CD177: variants seen among roughly 807,000 people sequenced by gnomAD.
CD177 encodes the protein CD177 molecule.
CD177 carries 41 observed loss-of-function variants against 38.1 expected under a neutral mutation model. The observed-to-expected ratio is 1.07, with a 90% CI of 0.84 to 1.39. The LOEUF (loss-of-function observed/expected upper bound fraction) is 1.39, where lower values mean the gene tolerates loss of function less well. Among genes scored for constraint, CD177 ranks in the 40% most tolerant of loss-of-function variants. CD177 has a pLI of 0.00. For synonymous variants in CD177, 236 were observed against 216.7 expected (o/e 1.09, Z -0.78); for missense variants, 619 against 523.8 (o/e 1.18, Z -1.77).
chr19:43,360,057 G>A (rs147979602), intron 5 of CD177, among the ~76,000 whole-genome samples: 130 of 151,964 alleles, frequency 8.6e-4, no homozygotes, highest in South Asian at 5.6e-3. Flanking sequence ...GTGAGAGGAC[G>A]TCCCTGCGGG....
At position 43,354,262 on chromosome 19, in the gene CD177, G is replaced by T. The variant is rs769813094; in HGVS notation, c.249G>T (p.Glu83Asp). Reference protein sequence around the residue: ...SKGCTEAKDQEPRVTEHRMGP... With the variant: ...SKGCTEAKDQDPRVTEHRMGP... ...GCTGCACGGAGGCCAAGGACCAGGA[G>T]CCCCGCGTCACTGAGCACCGGATGG... The change falls in exon 3 of 9, where the codon GAG becomes GAT. Residue 83 changes from glutamate (E) to aspartate (D), a missense_variant. Glu to Asp is a conservative substitution (Grantham distance 45). Transcript: ENST00000618265. 2 of 1,613,904 alleles carry T rather than the reference G, an allele frequency of 1.2e-6. No homozygotes were observed. Among genetic ancestry groups the T allele is most frequent in the Admixed American group, 3.3e-5 (2 of 60,024 alleles).
At position 43,362,221 on chromosome 19, in the gene CD177, T is replaced by G. The variant is rs776964743; in HGVS notation, c.1215T>G (p.His405Gln). 2 of 1,610,210 alleles carry G rather than the reference T, an allele frequency of 1.2e-6. No homozygotes were observed. The highest frequency in any genetic ancestry group is 1.7e-6 in the Non-Finnish European group (2 of 1,176,636). Residue 405 changes from histidine to glutamine, a missense_variant, in exon 9 of 9, where the codon CAT (histidine) becomes CAG (glutamine). Physicochemically the swap from His to Gln is conservative, Grantham distance 24. Coordinates refer to ENST00000618265, the MANE Select transcript of CD177 (RefSeq NM_020406.4). ...KRDVQPPASQ[H>Q]EGGGAEGLES... ...ATGTGCAGCCTCCTGCCTCTCAGCATGAGGGAGGTGGGGCTGAGGGCCTGG... is the reference window on the plus strand; with the variant it reads ...ATGTGCAGCCTCCTGCCTCTCAGCAGGAGGGAGGTGGGGCTGAGGGCCTGG...
rs529123147 is a variant in CD177, at chr19:43,362,978, C to G, written c.*658C>G. ...GGAACATTGTAGCGTGCACTTACAC[C>G]AACCCAGATGGTACAGCCCAATACA... On this transcript the variant is annotated 3_prime_UTR_variant, in exon 9 of 9. Transcript: ENST00000618265. 1 of 152,258 alleles carries G rather than the reference C, an allele frequency of 6.6e-6. No individual in the cohort carries two copies. The highest frequency in any genetic ancestry group is 2.1e-4 in the South Asian group (1 of 4,828). 9.4% of individuals were successfully genotyped at this position (152,258 alleles called of 1,614,324 possible).
At chr19:43,354,626 CCTCTT>C (rs1969897477) in intron 3 of CD177, 1 of 598,234 alleles carries the variant, frequency 1.7e-6, no homozygotes, top group African/African-American at 1.9e-5. Flanking sequence ...CCGCACCCCT[CCTCTT>C]CTAAGAGCAA....
intron 6 of CD177, chr19:43,360,612 G>A (rs1969949106): frequency 1.0e-5 from 6 of 583,126 alleles, no homozygotes; most frequent in Non-Finnish European, 1.2e-5. Flanking sequence ...CCTTTCTGGG[G>A]AGGGGTGACC....
intron 6 of CD177, chr19:43,360,629 GC>G (rs1969949507): frequency 1.8e-6 from 1 of 543,842 alleles, no homozygotes; most frequent in Admixed American, 3.2e-5. Context: ...GACCACGTAT[GC>G]GGTAATCCCT....
chr19:43,363,178 G>C (rs906450485), downstream of CD177: 2 of 152,180 alleles, frequency 1.3e-5, no homozygotes, highest in African/African-American at 4.8e-5. Context: ...GCAGACCACC[G>C]TTCTATACGC....
Position 43,360,286 on chromosome 19 carries a change from G to T in CD177, c.641G>T (p.Gly214Val). ...DMKDFLTCHR[G>V]TTIMTHGNLA... ...CCAGATTTTCTGACCTGTCATCGGGGGACCACCATTATGACACACGGAAAC... is the reference window on the plus strand; with the variant it reads ...CCAGATTTTCTGACCTGTCATCGGGTGACCACCATTATGACACACGGAAAC... Residue 214 changes from glycine (G) to valine (V), a missense_variant, in exon 6 of 9, where the codon GGG (glycine) becomes GTG (valine). By Grantham distance (109) the Gly-to-Val change is moderately radical. Coordinates refer to ENST00000618265, the MANE Select transcript of CD177 (RefSeq NM_020406.4). The T allele has an allele frequency of 6.2e-7, 1 of 1,613,214 alleles. No homozygotes were observed. Among genetic ancestry groups the T allele is most frequent in the Non-Finnish European group, 8.5e-7 (1 of 1,179,648 alleles).
chr19:43,354,389 G>A lies in CD177; in HGVS notation c.376G>A (p.Ala126Thr), dbSNP rs1568443239. The change falls in exon 3 of 9, where the codon GCA becomes ACA. Residue 126 changes from alanine to threonine, a missense_variant. Ala to Thr is a moderately conservative substitution (Grantham distance 58). Transcript: ENST00000618265. Reference protein sequence around the residue: ...SLPLWAPQPPADPGSLRCPVC... With the variant: ...SLPLWAPQPPTDPGSLRCPVC... ...CCCGCTTTGGGCCCCACAGCCCCCA[G>A]CAGGTGCCTGCGGGAGGGTCGGGAG... 1 of 1,613,792 alleles carries A rather than the reference G, an allele frequency of 6.2e-7. No individual in the cohort carries two copies. The highest frequency in any genetic ancestry group is 1.1e-5 in the South Asian group (1 of 91,086).
rs1009374013 is a variant in CD177, at chr19:43,354,496, C to A, written c.379+104C>A. 1.2e-5 allele frequency: 15 copies of A among 1,229,586 alleles called. No homozygotes were observed. The East Asian group carries it at 3.4e-4, about 28-fold the overall frequency. 76.2% of individuals were successfully genotyped at this position (1,229,586 alleles called of 1,614,324 possible). A position where few individuals can be genotyped will look rare whatever the true frequency, so the allele number is the denominator to read the frequency against. ...TCCCTCCCACCCTCGCTCGCTATCC[C>A]GACCCTCGCTGGCTCCATCCCTCCC... On this transcript the variant is annotated intron_variant, in intron 3 of 8. Transcript: ENST00000618265.
chr19:43,362,471 T>G lies in CD177; in HGVS notation c.*151T>G. On this transcript the variant is annotated 3_prime_UTR_variant, in exon 9 of 9. Coordinates refer to ENST00000618265, the MANE Select transcript of CD177 (RefSeq NM_020406.4). ...ACACAATCATTCATATCTACTCACC[T>G]AACAGCAACACTGGGGAGAGCCTGG... The G allele has an allele frequency of 1.8e-6, 1 of 546,424 alleles. No individual in the cohort carries two copies. Among genetic ancestry groups the G allele is most frequent in the Non-Finnish European group, 3.3e-6 (1 of 307,086 alleles). 33.8% of individuals were successfully genotyped at this position (546,424 alleles called of 1,614,324 possible). A position where few individuals can be genotyped will look rare whatever the true frequency, so the allele number is the denominator to read the frequency against.
rs1403901096 is a variant in CD177, at chr19:43,361,229, C to T, written c.847C>T (p.Pro283Ser). ...GAAGACCACCATCCACTCAGCCCCT[C>T]CTGGGGTGCTTGTGGCCTCCTATAC... ...SQKTTIHSAP[P>S]GVLVASYTHF... The change falls in exon 7 of 9, where the codon CCT becomes TCT. Residue 283 changes from proline to serine, a missense_variant. Coordinates refer to ENST00000618265, the MANE Select transcript of CD177 (RefSeq NM_020406.4). 2.0e-5 allele frequency: 31 copies of T among 1,548,834 alleles called. No individual in the cohort carries two copies. In the African/African-American group the frequency reaches 3.0e-4, roughly 15 times the overall value.
chr19:43,361,650 G>C (rs113094109), intron 8 of CD177, 71 bp downstream of exon 8: 2 of 1,483,442 alleles, frequency 1.3e-6, no homozygotes, highest in Non-Finnish European at 1.8e-6. Flanking sequence ...GAGGGAGGAG[G>C]GGCTGGGGGC....
chr19:43,363,306 A>C (rs1465884137), downstream of CD177: 1 of 152,194 alleles, frequency 6.6e-6, no homozygotes, highest in Non-Finnish European at 1.5e-5. Context: ...AGCTGTTATC[A>C]TTGGGTCTCT....
At position 43,362,547 on chromosome 19, in the gene CD177, T is replaced by C; in HGVS notation, c.*227T>C. 2.2e-6 allele frequency: 1 copy of C among 452,518 alleles called. No individual in the cohort carries two copies. The highest frequency in any genetic ancestry group is 3.8e-5 in the Admixed American group (1 of 26,338). The allele number at this position is 452,518 out of a possible 1,614,324, so 28.0% of individuals were successfully genotyped here. ...AGGGGACGCTGGAGGAGTGGCTGCA[T>C]GTATCTGATAATACAGACCCTGTCC... is the stretch of plus-strand genomic sequence containing the variant. On this transcript the variant is annotated 3_prime_UTR_variant, in exon 9 of 9. Coordinates refer to ENST00000618265, the MANE Select transcript of CD177 (RefSeq NM_020406.4).
Position 43,353,752 on chromosome 19 carries a change from T to A in CD177, c.38T>A (p.Ile13Asn). ...AVLLLALLGF[I>N]LPLPGVQALL... is the part of the protein sequence containing the mutation. ...TTACTGCTGGCCCTCCTGGGGTTCA[T>A]CCTCCCACTGCCAGGTGAGTGATGA... The change falls in exon 1 of 9, where the codon ATC becomes AAC. Residue 13 changes from isoleucine (I) to asparagine (N), a missense_variant. Coordinates refer to ENST00000618265, the MANE Select transcript of CD177 (RefSeq NM_020406.4). 6.2e-7 allele frequency: 1 copy of A among 1,613,896 alleles called. No homozygotes were observed. The highest frequency in any genetic ancestry group is 8.5e-7 in the Non-Finnish European group (1 of 1,179,848).
At position 43,362,589 on chromosome 19, in the gene CD177, G is replaced by C; in HGVS notation, c.*269G>C. 3.2e-6 allele frequency: 1 copy of C among 315,224 alleles called. No homozygotes were observed. Among genetic ancestry groups the C allele is most frequent in the Non-Finnish European group, 5.8e-6 (1 of 172,858 alleles). 19.5% of individuals were successfully genotyped at this position (315,224 alleles called of 1,614,324 possible). ...ACCCTGTCCTTTCTCCCAGTGCTGGGATTTCTCCATGTGAGGGGGCAGCAG... is the reference window on the plus strand; with the variant it reads ...ACCCTGTCCTTTCTCCCAGTGCTGGCATTTCTCCATGTGAGGGGGCAGCAG... On this transcript the variant is annotated 3_prime_UTR_variant, in exon 9 of 9. Transcript: ENST00000618265.
At chr19:43,355,244 G>C (rs1969909852) in intron 3 of CD177, among the ~76,000 whole-genome samples, 1 of 148,654 alleles carries the variant, frequency 6.7e-6, no homozygotes, top group Admixed American at 6.8e-5. Context: ...CTCCCACGTA[G>C]CAGGGACTAG....
chr19:43,362,191 G>A lies in CD177; in HGVS notation c.1185G>A (p.Lys395=). The change falls in exon 9 of 9, where the codon AAG becomes AAA. Residue 395 remains lysine, a synonymous_variant. Coordinates refer to ENST00000618265, the MANE Select transcript of CD177 (RefSeq NM_020406.4). ...TCGGGATCTTCTCTGCGCGTGAGAA[G>A]CGTGATGTGCAGCCTCCTGCCTCTC... ...RQIGIFSARE[K]RDVQPPASQH... 6.2e-7 allele frequency: 1 copy of A among 1,613,708 alleles called. No individual in the cohort carries two copies. Among genetic ancestry groups the A allele is most frequent in the Non-Finnish European group, 8.5e-7 (1 of 1,179,720 alleles).
Sources: allele counts gnomAD v4.1 joint callset (sites outside exome capture counted in the v4.1 genomes callset), GRCh38; gene constraint gnomAD v4.1.1; transcripts MANE v1.5; gene names NCBI Gene and HGNC (gene_info 2026-07-23, HGNC 2026-07-21).